Variants in PANK4 observed in about 807,000 individuals in gnomAD.
PANK4 encodes pantothenate kinase 4 (inactive), also known as 4'-phosphopantetheine phosphatase.
A neutral mutation model predicts 87.9 loss-of-function variants in PANK4; 40 were observed. The observed-to-expected ratio is 0.46, with a 90% CI of 0.35 to 0.59. The LOEUF (loss-of-function observed/expected upper bound fraction) is 0.59, where lower values mean the gene tolerates loss of function less well. Ranked by LOEUF, PANK4 falls within the 20% of genes least tolerant of loss-of-function variation. The pLI is 0.00. For synonymous variants in PANK4, 524 were observed against 467.4 expected (o/e 1.12, Z -1.56); for missense variants, 926 against 1,072.3 (o/e 0.86, Z 1.90).
At position 2,520,783 on chromosome 1, in the gene PANK4, G is replaced by A. The variant is rs1198524804; in HGVS notation, c.546C>T (p.Asn182=). Residue 182 remains asparagine (N), a synonymous_variant, in exon 4 of 19, where the codon AAC becomes AAT. Coordinates refer to ENST00000378466, the MANE Select transcript of PANK4 (RefSeq NM_018216.4). This position sits in a 1 kb window ranked among gnomAD's most constrained non-coding sequence, Gnocchi z 6.2. ...DSDPEFRFQT[N]HPHIFPYLLV... is the part of the protein sequence containing the mutation. ...GAAGATAGGGGAAAATGTGGGGGTGGTTGGTCTGGAACCGGAACTCAGGGT... is the reference window on the plus strand; with the variant it reads ...GAAGATAGGGGAAAATGTGGGGGTGATTGGTCTGGAACCGGAACTCAGGGT... The A allele has an allele frequency of 3.1e-6, 5 of 1,613,414 alleles. No individual in the cohort carries two copies. The highest frequency in any genetic ancestry group is 3.4e-6 in the Non-Finnish European group (4 of 1,179,864).
intron 9 of PANK4, among the ~76,000 whole-genome samples, chr1:2,516,677 C>T (rs1570540400): frequency 6.6e-6 from 1 of 152,208 alleles, no homozygotes; most frequent in Non-Finnish European, 1.5e-5. Context: ...AAGGGGACGC[C>T]TTCCAGGTGG....
chr1:2,511,327 C>T lies in PANK4; in HGVS notation c.1833+11G>A. On this transcript the variant is annotated intron_variant, in intron 15 of 18. Coordinates refer to ENST00000378466, the MANE Select transcript of PANK4 (RefSeq NM_018216.4). ...TCCCCAGCAGCAGAGGTGGGAGGCC[C>T]CTCCACATACCTTTAATCTCTGAAG... The T allele has an allele frequency of 1.3e-6, 2 of 1,599,264 alleles. No homozygotes were observed. The highest frequency in any genetic ancestry group is 8.6e-7 in the Non-Finnish European group (1 of 1,167,634).
intron 9 of PANK4, among the ~76,000 whole-genome samples, chr1:2,516,443 G>A (rs1355992947): frequency 2.6e-5 from 4 of 152,182 alleles, no homozygotes; most frequent in African/African-American, 7.2e-5. Context: ...CTGAGCCGAC[G>A]CACACATCAG....
intron 11 of PANK4, 23 bp downstream of exon 11, chr1:2,514,331 A>G (rs755362446): frequency 1.3e-6 from 2 of 1,548,144 alleles, no homozygotes; most frequent in South Asian, 1.1e-5. Context: ...AGGTGGCCAC[A>G]CACCGGGGTG....
intron 1 of PANK4, among the ~76,000 whole-genome samples, chr1:2,523,463 T>C (rs546635342): frequency 1.4e-4 from 21 of 152,268 alleles, no homozygotes; most frequent in African/African-American, 5.1e-4. Flanking sequence ...AGGATGAAGA[T>C]CTATTTTAAG....
Position 2,515,818 on chromosome 1 carries a change from C to T in PANK4, c.1219-101G>A. ...CTCTCTCTCTAAGAAGGGAGATGTA[C>T]TGCCTTCTTCCGCCACGTCTCTGGG... On this transcript the variant is annotated intron_variant, in intron 9 of 18. Coordinates refer to ENST00000378466, the MANE Select transcript of PANK4 (RefSeq NM_018216.4). The surrounding 1 kb of genome is among the most constrained non-coding windows in gnomAD (Gnocchi z 5.0). The T allele has an allele frequency of 8.5e-7, 1 of 1,171,494 alleles. No individual in the cohort carries two copies. Among genetic ancestry groups the T allele is most frequent in the Non-Finnish European group, 1.2e-6 (1 of 821,802 alleles). 72.6% of individuals were successfully genotyped at this position (1,171,494 alleles called of 1,614,324 possible).
In PANK4 at chr1:2,520,550, A is replaced by G; in HGVS notation, c.607-136T>C. 2.1e-6 allele frequency: 2 copies of G among 966,586 alleles called. No individual in the cohort carries two copies. The highest frequency in any genetic ancestry group is 3.1e-6 in the Non-Finnish European group (2 of 655,114). The allele number at this position is 966,586 out of a possible 1,614,324, so 59.9% of individuals were successfully genotyped here. On this transcript the variant is annotated intron_variant, in intron 4 of 18. Transcript: ENST00000378466. The surrounding 1 kb of genome is among the most constrained non-coding windows in gnomAD (Gnocchi z 6.2). Reference sequence around the variant, plus strand: ...GCCAGTGGGAGGACTCTCATGGCCAAGCCTGGGGGCGCTGATGCCCCTCCC... The same window carrying G: ...GCCAGTGGGAGGACTCTCATGGCCAGGCCTGGGGGCGCTGATGCCCCTCCC...
chr1:2,522,605 G>A (rs1643883971), intron 1 of PANK4, among the ~76,000 whole-genome samples: 1 of 152,096 alleles, frequency 6.6e-6, no homozygotes, highest in Non-Finnish European at 1.5e-5. Context: ...AGACATTGTT[G>A]AGGCTAGAGT....
chr1:2,510,812 G>C lies in PANK4; in HGVS notation c.1834-30C>G. 7.6e-7 allele frequency: 1 copy of C among 1,313,834 alleles called. No homozygotes were observed. Among genetic ancestry groups the C allele is most frequent in the Non-Finnish European group, 1.1e-6 (1 of 906,920 alleles). 81.4% of individuals were successfully genotyped at this position (1,313,834 alleles called of 1,614,324 possible). A position where few individuals can be genotyped will look rare whatever the true frequency, so the allele number is the denominator to read the frequency against. On this transcript the variant is annotated intron_variant, in intron 15 of 18. Coordinates refer to ENST00000378466, the MANE Select transcript of PANK4 (RefSeq NM_018216.4). This position sits in a 1 kb window ranked among gnomAD's most constrained non-coding sequence, Gnocchi z 4.9. Reference sequence around the variant, plus strand: ...AAGACAAAACCAGGACGTTCAGTTGGGAACAGGCGCATCCAAGCGAGTCAG... The same window carrying C: ...AAGACAAAACCAGGACGTTCAGTTGCGAACAGGCGCATCCAAGCGAGTCAG...
rs1300237360 is a variant in PANK4, at chr1:2,508,994, G to A, written c.2175C>T (p.Gly725=). ...ERGADLVVIE[G]MGRAVHTNYH... is the part of the protein sequence containing the mutation. ...AGTTTGTGTGGACAGCACGGCCCAT[G>A]CCCTCGATGACCACCAGATCCGCGC... is the stretch of plus-strand genomic sequence containing the variant. Residue 725 remains glycine, a synonymous_variant, in exon 19 of 19, where the codon GGC becomes GGT. Transcript: ENST00000378466. This position sits in a 1 kb window ranked among gnomAD's most constrained non-coding sequence, Gnocchi z 5.1. 5 of 1,607,692 alleles carry A rather than the reference G, an allele frequency of 3.1e-6. No homozygotes were observed. The Admixed American group carries it at 6.7e-5, about 21-fold the overall frequency.
Position 2,510,858 on chromosome 1 carries a change from C to G in PANK4, c.1834-76G>C. On this transcript the variant is annotated intron_variant, in intron 15 of 18. Coordinates refer to ENST00000378466, the MANE Select transcript of PANK4 (RefSeq NM_018216.4). This position sits in a 1 kb window ranked among gnomAD's most constrained non-coding sequence, Gnocchi z 4.9. ...GTCAGTCCGCACCCCTGCTGCCCGT[C>G]ACGCTGCCCTGCAGGGGCCGAGACT... is the stretch of plus-strand genomic sequence containing the variant. The G allele has an allele frequency of 1.1e-6, 1 of 871,736 alleles. No homozygotes were observed. Among genetic ancestry groups the G allele is most frequent in the Non-Finnish European group, 2.0e-6 (1 of 512,246 alleles). The allele number at this position is 871,736 out of a possible 1,614,324, so 54.0% of individuals were successfully genotyped here.
chr1:2,508,763 G>A lies in PANK4; in HGVS notation c.*84C>T, dbSNP rs994520214. 5.3e-5 allele frequency: 44 copies of A among 824,090 alleles called. No individual in the cohort carries two copies. In the Middle Eastern group the frequency reaches 8.9e-4, roughly 17 times the overall value. The allele number at this position is 824,090 out of a possible 1,614,324, so 51.0% of individuals were successfully genotyped here. A position where few individuals can be genotyped will look rare whatever the true frequency, so the allele number is the denominator to read the frequency against. ...CGTCACAGCAGTACCATATAAATAC[G>A]TTGATTTGAACGCAGTTTCCCTGTG... is the stretch of plus-strand genomic sequence containing the variant. On this transcript the variant is annotated 3_prime_UTR_variant, in exon 19 of 19. Transcript: ENST00000378466. This position sits in a 1 kb window ranked among gnomAD's most constrained non-coding sequence, Gnocchi z 5.1.
intron 1 of PANK4, 31 bp from the exon 2 acceptor site, chr1:2,521,831 C>T: frequency 2.6e-6 from 4 of 1,567,352 alleles, no homozygotes; most frequent in Non-Finnish European, 2.6e-6. Context: ...GGGCAGGATT[C>T]AGGACCAGGA....
rs267598457 is a variant in PANK4, at chr1:2,514,071, G to A, written c.1506C>T (p.Thr502=). Residue 502 remains threonine (T), a synonymous_variant, in exon 12 of 19, where the codon ACC becomes ACT. Transcript: ENST00000378466. ...CCCTGGTGTCCAGCAGGCTGCGCACGGTCAGGGTCCCATAGGCGCTGGGGA... is the reference window on the plus strand; with the variant it reads ...CCCTGGTGTCCAGCAGGCTGCGCACAGTCAGGGTCCCATAGGCGCTGGGGA... ...RQQPFAYGTL[T]VRSLLDTREH... 12 of 1,612,578 alleles carry A rather than the reference G, an allele frequency of 7.4e-6. No homozygotes were observed. The highest frequency in any genetic ancestry group is 4.5e-5 in the East Asian group (2 of 44,874).
At chr1:2,523,668 T>C (rs2100799064) in intron 1 of PANK4, among the ~76,000 whole-genome samples, 1 of 152,334 alleles carries the variant, frequency 6.6e-6, no homozygotes, top group African/African-American at 2.4e-5. Context: ...GCAAGGCCAG[T>C]GTTCCGTCTG....
Position 2,519,061 on chromosome 1 carries a change from T to C in PANK4, c.1035+82A>G. 7.6e-7 allele frequency: 1 copy of C among 1,318,390 alleles called. No homozygotes were observed. Among genetic ancestry groups the C allele is most frequent in the Non-Finnish European group, 1.1e-6 (1 of 938,038 alleles). 81.7% of individuals were successfully genotyped at this position (1,318,390 alleles called of 1,614,324 possible). A position where few individuals can be genotyped will look rare whatever the true frequency, so the allele number is the denominator to read the frequency against. The stretch of plus-strand genomic sequence containing the variant: ...ACCCTCCAGGCCTCCCTGGGGGTGC[T>C]GCGGTGTCTAACCAGCATGACTGAT... On this transcript the variant is annotated intron_variant, in intron 7 of 18. Transcript: ENST00000378466. The surrounding 1 kb of genome is among the most constrained non-coding windows in gnomAD (Gnocchi z 8.3).
Position 2,515,166 on chromosome 1 carries a change from CCAA to C in PANK4, c.1374+393_1374+395del. On this transcript the variant is annotated intron_variant, in intron 10 of 18. Transcript: ENST00000378466. This position sits in a 1 kb window ranked among gnomAD's most constrained non-coding sequence, Gnocchi z 5.0. ...TTGGAGAAGGTGGGACGCAGGAGTC[CCAA>C]GGTGGCCTCGCCGGGAGCTTGCTGG... The C allele has an allele frequency of 5.1e-6, 2 of 394,038 alleles. No homozygotes were observed. The highest frequency in any genetic ancestry group is 3.9e-5 in the South Asian group (2 of 51,632). The allele number at this position is 394,038 out of a possible 1,614,324, so 24.4% of individuals were successfully genotyped here. A position where few individuals can be genotyped will look rare whatever the true frequency, so the allele number is the denominator to read the frequency against.
At position 2,520,891 on chromosome 1, in the gene PANK4, G is replaced by A. The variant is rs750044009; in HGVS notation, c.438C>T (p.Asp146=). Residue 146 remains aspartate (D), a synonymous_variant, in exon 4 of 19, where the codon GAC becomes GAT. Coordinates refer to ENST00000378466, the MANE Select transcript of PANK4 (RefSeq NM_018216.4). This position sits in a 1 kb window ranked among gnomAD's most constrained non-coding sequence, Gnocchi z 6.2. Reference sequence around the variant, plus strand: ...ACCCCTTAATCAGGCACGTCATCACGTCCTCCTTGTCGACTCTGAAAAGGA... The same window carrying A: ...ACCCCTTAATCAGGCACGTCATCACATCCTCCTTGTCGACTCTGAAAAGGA... ...EKLRLKVDKE[D]VMTCLIKGCN... 149 of 1,551,972 alleles carry A rather than the reference G, an allele frequency of 9.6e-5. 2 individuals are homozygous for A. The South Asian group carries it at 1.7e-3, about 18-fold the overall frequency.
At chr1:2,513,114 C>A in intron 12 of PANK4, 75 bp from the exon 13 acceptor site, 1 of 1,473,836 alleles carries the variant, frequency 6.8e-7, no homozygotes, top group Non-Finnish European at 9.2e-7. Context: ...CCAGGCGCAG[C>A]CTGTTCCATA....
Sources: allele counts gnomAD v4.1 joint callset (sites outside exome capture counted in the v4.1 genomes callset), GRCh38; gene constraint gnomAD v4.1.1; non-coding constraint Gnocchi (gnomAD v3.1); transcripts MANE v1.5; gene names NCBI Gene and HGNC (gene_info 2026-07-23, HGNC 2026-07-21).